The following ABTB2 variants were observed in gnomAD, a reference collection of about 807,000 sequenced individuals.
ABTB2 encodes the protein ankyrin repeat and BTB/POZ domain-containing protein 2.
ABTB2 carries 56 observed loss-of-function variants against 104.1 expected under a neutral mutation model. The ratio of observed to expected loss-of-function variants is 0.54; its 90% CI spans 0.43 to 0.67. ABTB2 has a LOEUF of 0.67. ABTB2 is among the 30% of genes least tolerant of loss of function. The pLI is 0.00. For missense variants in ABTB2, 1,279 were observed against 1,407.7 expected, an observed-to-expected ratio of 0.91 and a Z score of 1.46; for synonymous variants, 606 against 608.2, an observed-to-expected ratio of 1.00 and a Z score of 0.05.
chr11:34,319,517 A>T (rs1409874401), intron 1 of ABTB2, among the ~76,000 whole-genome samples: 1 of 152,116 alleles, frequency 6.6e-6, no homozygotes, highest in Non-Finnish European at 1.5e-5. Context: ...GCTGTCTGTC[A>T]CCTCTGAAGT....
At chr11:34,243,909 C>T (rs1235573795) in intron 1 of ABTB2, among the ~76,000 whole-genome samples, 1 of 152,230 alleles carries the variant, frequency 6.6e-6, no homozygotes, top group Non-Finnish European at 1.5e-5. Flanking sequence ...CCCCACCTGA[C>T]TGTGGCCAAG....
chr11:34,226,922 A>G (rs1390677178), intron 1 of ABTB2, among the ~76,000 whole-genome samples: 1 of 152,012 alleles, frequency 6.6e-6, no homozygotes, highest in Non-Finnish European at 1.5e-5. Flanking sequence ...AAAAATTAGC[A>G]TGGTGTGGCA....
At chr11:34,334,562 T>C (rs1479544729) in intron 1 of ABTB2, among the ~76,000 whole-genome samples, 1 of 152,196 alleles carries the variant, frequency 6.6e-6, no homozygotes, top group Non-Finnish European at 1.5e-5. Context: ...TTAGCTATAA[T>C]GTGAACTCAA....
At chr11:34,219,948 G>A (rs1853597582) in intron 1 of ABTB2, among the ~76,000 whole-genome samples, 1 of 152,172 alleles carries the variant, frequency 6.6e-6, no homozygotes, top group African/African-American at 2.4e-5. Context: ...AAAATAACAG[G>A]ATGTTTCAAA....
At chr11:34,170,633 C>G (rs1437719759) in intron 5 of ABTB2, among the ~76,000 whole-genome samples, 2 of 152,236 alleles carry the variant, frequency 1.3e-5, no homozygotes. Flanking sequence ...CTCTCCCAGA[C>G]TCGTTCCTAG....
At chr11:34,317,707 C>T (rs1049437071) in intron 1 of ABTB2, among the ~76,000 whole-genome samples, 1 of 146,442 alleles carries the variant, frequency 6.8e-6, no homozygotes, top group Non-Finnish European at 1.5e-5. Flanking sequence ...GGTTGCAGTG[C>T]ACCAAGATGT....
At chr11:34,319,062 C>T (rs991423727) in intron 1 of ABTB2, among the ~76,000 whole-genome samples, 1 of 152,206 alleles carries the variant, frequency 6.6e-6, no homozygotes, top group Non-Finnish European at 1.5e-5. Context: ...GGCCAAGGCC[C>T]CTGGAGCTGG....
At chr11:34,249,963 T>C (rs746479419) in intron 1 of ABTB2, among the ~76,000 whole-genome samples, 3 of 152,172 alleles carry the variant, frequency 2.0e-5, no homozygotes, top group Non-Finnish European at 4.4e-5. Context: ...ATAACCCCAA[T>C]GGTGCTCAGT....
At chr11:34,320,090 T>C (rs1854983258) in intron 1 of ABTB2, among the ~76,000 whole-genome samples, 1 of 152,210 alleles carries the variant, frequency 6.6e-6, no homozygotes, top group South Asian at 2.1e-4. Context: ...CTAGTGAGTA[T>C]AAAGCATTTA....
chr11:34,294,875 G>A (rs1284457304), intron 1 of ABTB2, among the ~76,000 whole-genome samples: 4 of 151,872 alleles, frequency 2.6e-5, no homozygotes, highest in Admixed American at 6.6e-5. Context: ...AACCATGCCC[G>A]GCTATTTTTT....
chr11:34,262,162 C>T (rs924035008), intron 1 of ABTB2, among the ~76,000 whole-genome samples: 2 of 152,232 alleles, frequency 1.3e-5, no homozygotes, highest in African/African-American at 4.8e-5. Context: ...CTTGCACTCT[C>T]AGTAAATGGT....
intron 3 of ABTB2, chr11:34,189,421 C>T (rs113469541): frequency 0.068 from 10,332 of 152,288 alleles, 448 homozygotes; most frequent in Non-Finnish European, 0.1. Flanking sequence ...GGTGACACGG[C>T]GAAACCCCAT....
intron 1 of ABTB2, 91 bp from the exon 2 acceptor site, chr11:34,204,781 C>T (rs931887807): frequency 7.9e-6 from 11 of 1,391,586 alleles, no homozygotes; most frequent in African/African-American, 1.5e-5. Context: ...CAGCCCTGCT[C>T]CCCTGCTCTT....
chr11:34,262,126 T>C (rs1854195161), intron 1 of ABTB2, among the ~76,000 whole-genome samples: 1 of 152,254 alleles, frequency 6.6e-6, no homozygotes, highest in Non-Finnish European at 1.5e-5. Flanking sequence ...AAATAAATGA[T>C]GTCCAGAGAT....
chr11:34,255,410 G>A (rs1053749137), intron 1 of ABTB2, among the ~76,000 whole-genome samples: 1 of 152,148 alleles, frequency 6.6e-6, no homozygotes, highest in Non-Finnish European at 1.5e-5. Context: ...AGGACAAGGT[G>A]CTCAGGATTC....
intron 1 of ABTB2, among the ~76,000 whole-genome samples, chr11:34,223,136 C>CT (rs1853645795): frequency 6.6e-6 from 1 of 152,180 alleles, no homozygotes; most frequent in Admixed American, 6.5e-5. Flanking sequence ...GTCACATGGA[C>CT]AAGCGGAGAG....
intron 1 of ABTB2, among the ~76,000 whole-genome samples, chr11:34,282,329 T>C (rs1263105635): frequency 6.6e-6 from 1 of 152,170 alleles, no homozygotes; most frequent in Non-Finnish European, 1.5e-5. Context: ...TGTAGGGCAT[T>C]GAAAATGAAC....
chr11:34,164,602 T>A, intron 9 of ABTB2, 84 bp downstream of exon 9: 2 of 1,368,326 alleles, frequency 1.5e-6, no homozygotes, highest in Non-Finnish European at 1.9e-6. Context: ...CCTAGCTCTT[T>A]TGCTCCCATC....
rs553436087 is a variant in ABTB2 at position 34,265,549 on chromosome 11, A to G, written c.884-60859T>C. ...GCGGTACATGCCTGTAATCCCAGCT[A>G]CTTGGGAGGCTGAGACGAGAATCGC... On this transcript the variant is annotated intron_variant, in intron 1 of 16. Coordinates refer to ENST00000435224, the MANE Select transcript of ABTB2 (RefSeq NM_145804.3). Among the ~76,000 whole-genome samples the G allele has an allele frequency of 4.5e-4, 68 of 151,592 alleles. No homozygotes were observed. In the South Asian group the frequency reaches 0.014, roughly 32 times the overall value.
Sources: gnomAD v4.1 joint callset for allele counts (sites outside exome capture counted in the v4.1 genomes callset) on GRCh38, gnomAD v4.1.1 for gene constraint, MANE v1.5 for transcripts, NCBI Gene and HGNC (gene_info 2026-07-23, HGNC 2026-07-21) for gene names.